SKAP1: variants seen among roughly 807,000 people sequenced by gnomAD.
SKAP1 encodes the protein src kinase-associated phosphoprotein 1.
Under a neutral mutation model 58.5 loss-of-function variants are expected in SKAP1, and 44 were observed. That is an observed-to-expected ratio of 0.75 (90% CI 0.59 to 0.97). The LOEUF (loss-of-function observed/expected upper bound fraction) is 0.97. Ranked by LOEUF, SKAP1 falls within the 50% of genes least tolerant of loss-of-function variation. The probability of loss-of-function intolerance (pLI) is 0.00; values close to 1 mark genes in which losing one functional copy is unlikely to be tolerated. For synonymous variants in SKAP1, 127 were observed against 149.7 expected, an observed-to-expected ratio of 0.85 and a Z score of 1.11; for missense variants, 390 against 435.2, an observed-to-expected ratio of 0.90 and a Z score of 0.92.
chr17:48,285,629 AAG>A (rs1254355382), intron 4 of SKAP1, among the ~76,000 whole-genome samples: 1 of 148,528 alleles, frequency 6.7e-6, no homozygotes, highest in Admixed American at 6.7e-5. Flanking sequence ...AAAAAAAAAA[AAG>A]GGGAGCCCCT....
At chr17:48,417,978 TA>T (rs906923706) in intron 1 of SKAP1, among the ~76,000 whole-genome samples, 5 of 150,686 alleles carry the variant, frequency 3.3e-5, no homozygotes, top group African/African-American at 1.2e-4. Flanking sequence ...ACTGCTATGG[TA>T]AAAAAAAACA....
At chr17:48,317,115 A>C (rs533624638) in intron 4 of SKAP1, among the ~76,000 whole-genome samples, 4 of 152,304 alleles carry the variant, frequency 2.6e-5, no homozygotes, top group Non-Finnish European at 5.9e-5. Context: ...GCCATACTGA[A>C]TGATGATCCT....
intron 1 of SKAP1, among the ~76,000 whole-genome samples, chr17:48,426,438 CT>C (rs371583293): frequency 1.3e-5 from 2 of 152,326 alleles, no homozygotes; most frequent in East Asian, 3.9e-4. Context: ...AAAGAAATAT[CT>C]ATTCCACCTC....
chr17:48,329,568 G>A (rs1478095949), intron 4 of SKAP1, among the ~76,000 whole-genome samples: 9 of 152,264 alleles, frequency 5.9e-5, no homozygotes, highest in African/African-American at 1.9e-4. Context: ...TTAGCCGGGC[G>A]TGGCGGCAGG....
intron 4 of SKAP1, among the ~76,000 whole-genome samples, chr17:48,339,386 A>G (rs1311883326): frequency 1.3e-5 from 2 of 152,226 alleles, no homozygotes; most frequent in Non-Finnish European, 2.9e-5. Context: ...TTATCTTCAT[A>G]TCATAGAATA....
intron 4 of SKAP1, among the ~76,000 whole-genome samples, chr17:48,270,396 T>C (rs2065612817): frequency 6.6e-6 from 1 of 151,970 alleles, no homozygotes; most frequent in South Asian, 2.1e-4. Context: ...GAGGCTGGAG[T>C]GCAGGGGTGG....
At chr17:48,247,087 C>T (rs1406074870) in intron 4 of SKAP1, among the ~76,000 whole-genome samples, 2 of 152,224 alleles carry the variant, frequency 1.3e-5, no homozygotes, top group African/African-American at 4.8e-5. Context: ...AATACCTCCA[C>T]ATCTGCAGAA....
At chr17:48,329,155 GC>G (rs1481084618) in intron 4 of SKAP1, among the ~76,000 whole-genome samples, 1 of 152,154 alleles carries the variant, frequency 6.6e-6, no homozygotes, top group Non-Finnish European at 1.5e-5. Context: ...CAGTGCTAGA[GC>G]CCCCTTTTCT....
the SKAP1 span, among the ~76,000 whole-genome samples, chr17:48,438,872 G>A: frequency 6.6e-6 from 1 of 152,212 alleles, no homozygotes; most frequent in Non-Finnish European, 1.5e-5. Flanking sequence ...ACGACTTGGG[G>A]AGTGTGTGGG....
At chr17:48,241,942 C>G (rs2065247706) in intron 4 of SKAP1, among the ~76,000 whole-genome samples, 1 of 152,174 alleles carries the variant, frequency 6.6e-6, no homozygotes, top group Non-Finnish European at 1.5e-5. Flanking sequence ...CCTGACACAT[C>G]CTGAATTCTG....
intron 11 of SKAP1, among the ~76,000 whole-genome samples, chr17:48,149,506 C>T (rs957043328): frequency 3.9e-5 from 6 of 152,306 alleles, no homozygotes; most frequent in African/African-American, 1.4e-4. Flanking sequence ...GTCCCAGTTG[C>T]GGAGCCCTAC....
intron 2 of SKAP1, among the ~76,000 whole-genome samples, chr17:48,381,904 T>A (rs1348916478): frequency 3.9e-5 from 6 of 152,240 alleles, no homozygotes; most frequent in African/African-American, 1.2e-4. Context: ...TATGAGTGAA[T>A]GAATGAAGTT....
chr17:48,180,133 G>A lies in SKAP1; in HGVS notation c.747C>T (p.Pro249=). The change falls in exon 9 of 13, where the codon CCC becomes CCT. Residue 249 remains proline (P), a synonymous_variant. Coordinates refer to ENST00000336915, the MANE Select transcript of SKAP1 (RefSeq NM_003726.4). ...DSPSCGSQCR[P]TILPGSVGIK... ...TCCCCACACTCCCAGGCAAGATAGT[G>A]GGTCTGCACTGGGAACCACAACTTG... 1 of 1,613,788 alleles carries A rather than the reference G, an allele frequency of 6.2e-7. No homozygotes were observed. Among genetic ancestry groups the A allele is most frequent in the South Asian group, 1.1e-5 (1 of 91,026 alleles).
intron 4 of SKAP1, among the ~76,000 whole-genome samples, chr17:48,298,105 G>A (rs17695373): frequency 0.15 from 23,260 of 152,036 alleles, 2,422 homozygotes; most frequent in Non-Finnish European, 0.22. Flanking sequence ...ATGTTCCAGC[G>A]TTTATCTTTT....
At chr17:48,176,653 C>T (rs1221806781) in intron 9 of SKAP1, among the ~76,000 whole-genome samples, 6 of 152,134 alleles carry the variant, frequency 3.9e-5, no homozygotes, top group Admixed American at 2.0e-4. Context: ...CCAGGACTAA[C>T]GTTTTTGTGG....
intron 4 of SKAP1, among the ~76,000 whole-genome samples, chr17:48,249,769 T>C (rs1009941533): frequency 1.3e-5 from 2 of 152,084 alleles, no homozygotes; most frequent in Non-Finnish European, 2.9e-5. Flanking sequence ...AAAATCACAA[T>C]TGGAATTTTA....
upstream of SKAP1, among the ~76,000 whole-genome samples, chr17:48,433,333 A>C (rs1466077346): frequency 6.6e-6 from 1 of 152,188 alleles, no homozygotes; most frequent in African/African-American, 2.4e-5. Context: ...CAGAAATATC[A>C]AAGCAATCTG....
At chr17:48,429,595 CT>C (rs2067891529) in intron 1 of SKAP1, among the ~76,000 whole-genome samples, 1 of 152,194 alleles carries the variant, frequency 6.6e-6, no homozygotes, top group South Asian at 2.1e-4. Context: ...CGTCAACCAC[CT>C]GGCCTTGGCC....
chr17:48,245,319 TC>T (rs1448202353), intron 4 of SKAP1, among the ~76,000 whole-genome samples: 1 of 152,220 alleles, frequency 6.6e-6, no homozygotes, highest in Non-Finnish European at 1.5e-5. Context: ...TGTAAAAGCA[TC>T]ATTTTAAGGA....
Sources: allele counts gnomAD v4.1 joint callset (sites outside exome capture counted in the v4.1 genomes callset), GRCh38; gene constraint gnomAD v4.1.1; transcripts MANE v1.5; gene names NCBI Gene and HGNC (gene_info 2026-07-23, HGNC 2026-07-21).